AADAT: variants seen among roughly 807,000 people sequenced by gnomAD.
AADAT encodes the protein aminoadipate aminotransferase, also known as kynurenine/alpha-aminoadipate aminotransferase, mitochondrial.
Under a neutral mutation model 56.2 loss-of-function variants are expected in AADAT, and 25 were observed. The observed-to-expected ratio is 0.44, with a 90% CI of 0.32 to 0.62. The LOEUF (loss-of-function observed/expected upper bound fraction) is 0.62. AADAT is among the 20% of genes least tolerant of loss of function. The pLI is 0.04. For missense variants in AADAT, 387 were observed against 510.5 expected (o/e 0.76, Z 2.33); for synonymous variants, 173 against 164.7 (o/e 1.05, Z -0.39).
chr4:170,094,242 A>AGG (rs1471218030), upstream of AADAT, among the ~76,000 whole-genome samples: 1 of 152,230 alleles, frequency 6.6e-6, no homozygotes, highest in Non-Finnish European at 1.5e-5. Context: ...GTGGTGGGGA[A>AGG]GGGACAAGCA....
chr4:170,065,687 GA>G (rs2111147332), intron 10 of AADAT, among the ~76,000 whole-genome samples: 1 of 152,198 alleles, frequency 6.6e-6, no homozygotes, highest in South Asian at 2.1e-4. Flanking sequence ...TTTTAGTAGA[GA>G]TGGGGTTTCA....
chr4:170,086,947 C>T (rs1732591773), intron 3 of AADAT, among the ~76,000 whole-genome samples, 169 bp downstream of exon 3: 2 of 152,082 alleles, frequency 1.3e-5, no homozygotes, highest in South Asian at 2.1e-4. Flanking sequence ...ACTGCTCCCA[C>T]CCCCATCCTA....
chr4:170,086,821 G>C (rs1203186556), intron 3 of AADAT, among the ~76,000 whole-genome samples: 5 of 152,172 alleles, frequency 3.3e-5, no homozygotes, highest in African/African-American at 1.2e-4. Context: ...CAAAGTCCTT[G>C]TGTTCACAAT....
At position 170,073,630 on chromosome 4, in the gene AADAT, C is replaced by T. The variant is rs150213483; in HGVS notation, c.445-285G>A. On this transcript the variant is annotated intron_variant, in intron 4 of 12. Transcript: ENST00000337664. The stretch of plus-strand genomic sequence containing the variant: ...TCTCCTGCTTTAGCCTCCCGAGTAG[C>T]TGGGGACTACAGGTGCACGCCACCA... 1.3e-4 allele frequency among the ~76,000 whole-genome samples: 20 copies of T among 151,990 alleles called. No homozygotes were observed. In the East Asian group the frequency reaches 3.9e-3, roughly 30 times the overall value.
chr4:170,068,971 T>C (rs1349249704), intron 7 of AADAT, among the ~76,000 whole-genome samples, 177 bp downstream of exon 7: 2 of 152,172 alleles, frequency 1.3e-5, no homozygotes, highest in East Asian at 1.9e-4. Flanking sequence ...TCTTTGACTA[T>C]TGCAGGTGAA....
At chr4:170,076,591 A>T (rs1373888106) in intron 4 of AADAT, among the ~76,000 whole-genome samples, 1 of 152,098 alleles carries the variant, frequency 6.6e-6, no homozygotes, top group Non-Finnish European at 1.5e-5. Context: ...GTTGAGTTGT[A>T]GGAGTTCTTT....
At chr4:170,064,645 C>G (rs1731357405) in intron 11 of AADAT, 74 bp downstream of exon 11, 12 of 1,161,004 alleles carry the variant, frequency 1.0e-5, no homozygotes, top group Non-Finnish European at 1.5e-5. Flanking sequence ...TCTTTCCATT[C>G]TATTCAAGCA....
chr4:170,093,384 C>T (rs529980517), upstream of AADAT, among the ~76,000 whole-genome samples: 1 of 151,916 alleles, frequency 6.6e-6, no homozygotes, highest in Non-Finnish European at 1.5e-5. Context: ...CAGCTGAAGC[C>T]GAGATCACGC....
At chr4:170,093,570 A>G (rs536910309), upstream of AADAT, among the ~76,000 whole-genome samples, 5 of 152,294 alleles carry the variant, frequency 3.3e-5, no homozygotes, top group East Asian at 9.7e-4. Context: ...GATTTGTAGT[A>G]TTTATTACTC....
intron 10 of AADAT, among the ~76,000 whole-genome samples, chr4:170,065,863 A>G (rs1483112763): frequency 6.6e-6 from 1 of 152,196 alleles, no homozygotes; most frequent in Non-Finnish European, 1.5e-5. Context: ...AGGAATTGCT[A>G]TTTTTGGTTT....
At position 170,088,471 on chromosome 4, in the gene AADAT, G is replaced by C. The variant is rs921999105; in HGVS notation, c.161C>G (p.Thr54Ser). Reference sequence around the variant, plus strand: ...TTGGATGGTCTTTCCATTTTCTACAGTGATTACGGCAGTCTTAAAAGGAAA... The same window carrying C: ...TTGGATGGTCTTTCCATTTTCTACACTGATTACGGCAGTCTTAAAAGGAAA... ...NMFPFKTAVI[T>S]VENGKTIQFG... The change falls in exon 2 of 13, where the codon ACT (threonine) becomes AGT (serine). Residue 54 changes from threonine (T) to serine (S), a missense_variant. Thr to Ser is a moderately conservative substitution (Grantham distance 58). Coordinates refer to ENST00000337664, the MANE Select transcript of AADAT (RefSeq NM_016228.4). The C allele has an allele frequency of 8.7e-6, 14 of 1,613,438 alleles. No individual in the cohort carries two copies. The highest frequency in any genetic ancestry group is 6.7e-5 in the African/African-American group (5 of 74,894).
chr4:170,072,672 A>T (rs1284691274), intron 5 of AADAT, among the ~76,000 whole-genome samples: 1 of 152,176 alleles, frequency 6.6e-6, no homozygotes, highest in African/African-American at 2.4e-5. Flanking sequence ...TATATGTTTG[A>T]TACTTAAAAA....
intron 5 of AADAT, among the ~76,000 whole-genome samples, chr4:170,072,596 T>C (rs1731829166): frequency 6.6e-6 from 1 of 152,214 alleles, no homozygotes; most frequent in Non-Finnish European, 1.5e-5. Context: ...CACAGTCAGG[T>C]ACATAAAAAG....
At chr4:170,072,796 G>A (rs1731838709) in intron 5 of AADAT, among the ~76,000 whole-genome samples, 1 of 152,160 alleles carries the variant, frequency 6.6e-6, no homozygotes, top group South Asian at 2.1e-4. Flanking sequence ...CAAGGAGTAG[G>A]AAGCAGAACA....
At chr4:170,076,194 A>G (rs1418057644) in intron 4 of AADAT, among the ~76,000 whole-genome samples, 13 of 152,152 alleles carry the variant, frequency 8.5e-5, no homozygotes, top group Admixed American at 8.5e-4. Flanking sequence ...ATACCATTTT[A>G]CATTTCCTTC....
rs1732147352 is a variant in AADAT at position 170,078,541 on chromosome 4, C to G, written c.412G>C (p.Asp138His). Residue 138 changes from aspartate to histidine, a missense_variant, in exon 4 of 13, where the codon GAT becomes CAT. Coordinates refer to ENST00000337664, the MANE Select transcript of AADAT (RefSeq NM_016228.4). ...IINPGDNVLLDEPAYSGTLQS... is the reference protein window; with the variant it reads ...IINPGDNVLLHEPAYSGTLQS... ...AGAGTTCCTGAATAAGCAGGTTCAT[C>G]TAGGAGGACATTATCTCCAGGATTA... The G allele has an allele frequency of 6.2e-7, 1 of 1,608,662 alleles. No homozygotes were observed. The highest frequency in any genetic ancestry group is 1.3e-5 in the African/African-American group (1 of 74,700).
chr4:170,084,945 T>C (rs1732483064), intron 3 of AADAT, among the ~76,000 whole-genome samples: 1 of 152,198 alleles, frequency 6.6e-6, no homozygotes, highest in Non-Finnish European at 1.5e-5. Flanking sequence ...TTCTTCTGCC[T>C]CTGCCTCCCG....
chr4:170,074,437 A>G (rs541099016), intron 4 of AADAT, among the ~76,000 whole-genome samples: 12 of 152,240 alleles, frequency 7.9e-5, no homozygotes, highest in African/African-American at 2.9e-4. Context: ...AATTATCTTC[A>G]TAATTATAAT....
chr4:170,081,157 C>T (rs1285464012), intron 3 of AADAT, among the ~76,000 whole-genome samples: 1 of 152,050 alleles, frequency 6.6e-6, no homozygotes, highest in Non-Finnish European at 1.5e-5. Context: ...AAATACTGAA[C>T]TCAGAATTGT....
Sources: gnomAD v4.1 joint callset for allele counts (sites outside exome capture counted in the v4.1 genomes callset) on GRCh38, gnomAD v4.1.1 for gene constraint, MANE v1.5 for transcripts, NCBI Gene and HGNC (gene_info 2026-07-23, HGNC 2026-07-21) for gene names.